Variants in HSPD1 observed in about 807,000 individuals in gnomAD.
HSPD1 encodes 60 kDa heat shock protein, mitochondrial.
In HSPD1, 3 loss-of-function variants were observed where a neutral mutation model predicts 53.0. That is an observed-to-expected ratio of 0.06 (90% CI 0.03 to 0.15). The LOEUF (loss-of-function observed/expected upper bound fraction) is 0.15. HSPD1 is among the 10% of genes least tolerant of loss of function. The pLI is 1.00. For missense variants in HSPD1, 431 were observed against 694.1 expected (o/e 0.62, Z 4.26); for synonymous variants, 200 against 228.0 (o/e 0.88, Z 1.10).
intron 1 of HSPD1, 55 bp downstream of exon 1, chr2:197,499,727 G>A (rs1276657472): frequency 6.6e-6 from 1 of 152,178 alleles, no homozygotes; most frequent in African/African-American, 2.4e-5. Context: ...AGAGGAGGAA[G>A]GCCCACTCGG....
At position 197,497,155 on chromosome 2, in the gene HSPD1, C is replaced by G; in HGVS notation, c.412G>C (p.Val138Leu). The change falls in exon 3 of 12, where the codon GTG (valine) becomes CTG (leucine). Residue 138 changes from valine to leucine, a missense_variant. Physicochemically the swap from Val to Leu is conservative, Grantham distance 32. Around this residue, in one of 2 missense-constraint regions of HSPD1, gnomAD observed 386 missense variants for 657.6 expected, o/e 0.59. Coordinates refer to ENST00000388968, the MANE Select transcript of HSPD1 (RefSeq NM_002156.5). ...ACATTCCTACCTCTCCTGATTTCCA[C>G]TGGATTAGCACCTTTGCTAATCTTC... is the stretch of plus-strand genomic sequence containing the variant. ...FEKISKGANPVEIRRGVMLAV... is the reference protein window; with the variant it reads ...FEKISKGANPLEIRRGVMLAV... The G allele has an allele frequency of 6.2e-7, 1 of 1,614,188 alleles. No individual in the cohort carries two copies. Among genetic ancestry groups the G allele is most frequent in the Non-Finnish European group, 8.5e-7 (1 of 1,179,992 alleles).
At chr2:197,493,725 G>C (rs2086121721) in intron 6 of HSPD1, among the ~76,000 whole-genome samples, 1 of 152,160 alleles carries the variant, frequency 6.6e-6, no homozygotes, top group Non-Finnish European at 1.5e-5. Context: ...AAAACTTCAG[G>C]AGGCCAAAGC....
chr2:197,486,956 C>T lies in HSPD1; in HGVS notation c.*90G>A, dbSNP rs888170776. The T allele has an allele frequency of 1.8e-6, 2 of 1,094,946 alleles. No homozygotes were observed. The highest frequency in any genetic ancestry group is 1.5e-5 in the African/African-American group (1 of 64,926). 67.8% of individuals were successfully genotyped at this position (1,094,946 alleles called of 1,614,324 possible). On this transcript the variant is annotated 3_prime_UTR_variant, in exon 12 of 12. Coordinates refer to ENST00000388968, the MANE Select transcript of HSPD1 (RefSeq NM_002156.5). ...AGCCAGCCTTTTTCTTCATTTTCTC[C>T]AACTGACTTCTCTGAAGTTATTGGT...
At position 197,488,389 on chromosome 2, in the gene HSPD1, C is replaced by T; in HGVS notation, c.1318G>A (p.Gly440Arg). 6.2e-7 allele frequency: 1 copy of T among 1,613,942 alleles called. No homozygotes were observed. The highest frequency in any genetic ancestry group is 8.5e-7 in the Non-Finnish European group (1 of 1,179,818). The change falls in exon 10 of 12, where the codon GGG becomes AGG. Residue 440 changes from glycine (G) to arginine (R), a missense_variant. By Grantham distance (125) the Gly-to-Arg change is moderately radical. Transcript: ENST00000388968. ...ATGCATCGAAGGAGGGCACAACCCC[C>T]TCCCAAAACAATGCCTTCTTCAACA... ...AAVEEGIVLG[G>R]GCALLRCIPA...
Position 197,491,184 on chromosome 2 carries a change from TTG to T in HSPD1, c.870-890_870-889del, listed in dbSNP as rs765649213. ...TTTTTTCTGGCCTCAAGTCTTTTTT[TTG>T]TGTGTTTTTTTTTTTTTTTGAGACA... On this transcript the variant is annotated intron_variant, in intron 7 of 11. Transcript: ENST00000388968. Among the ~76,000 whole-genome samples, 5 of 149,256 alleles carry T rather than the reference TTG, an allele frequency of 3.3e-5. No homozygotes were observed. In the East Asian group the frequency reaches 7.7e-4, roughly 23 times the overall value.
intron 11 of HSPD1, 57 bp downstream of exon 11, chr2:197,487,801 G>A (rs2086044812): frequency 1.9e-5 from 27 of 1,403,628 alleles, no homozygotes; most frequent in Non-Finnish European, 2.4e-5. Flanking sequence ...TGGGATGTGA[G>A]GATACATTAA....
At position 197,495,347 on chromosome 2, in the gene HSPD1, C is replaced by A. The variant is rs1375619488; in HGVS notation, c.457G>T (p.Ala153Ser). 6.2e-7 allele frequency: 1 copy of A among 1,610,046 alleles called. No individual in the cohort carries two copies. Among genetic ancestry groups the A allele is most frequent in the Non-Finnish European group, 8.5e-7 (1 of 1,176,502 alleles). ...GVMLAVDAVIAELKKQSKPVT... is the reference protein window; with the variant it reads ...GVMLAVDAVISELKKQSKPVT... ...GGTTTAGACTGCTTTTTAAGTTCAG[C>A]AATTACAGCATCAACAGCTAACATC... The change falls in exon 4 of 12, where the codon GCT becomes TCT. Residue 153 changes from alanine (A) to serine (S), a missense_variant. By Grantham distance (99) the Ala-to-Ser change is moderately conservative. Around this residue, in one of 2 missense-constraint regions of HSPD1, gnomAD observed 386 missense variants for 657.6 expected, o/e 0.59. Coordinates refer to ENST00000388968, the MANE Select transcript of HSPD1 (RefSeq NM_002156.5).
intron 8 of HSPD1, among the ~76,000 whole-genome samples, chr2:197,489,571 C>G (rs1307367312): frequency 6.6e-6 from 1 of 152,166 alleles, no homozygotes; most frequent in African/African-American, 2.4e-5. Flanking sequence ...ACACTTCTAC[C>G]TTTCAAAACT....
rs377025571 is a variant in HSPD1, at chr2:197,497,127, C to G, written c.427+13G>C. The G allele has an allele frequency of 3.7e-6, 6 of 1,613,594 alleles. No individual in the cohort carries two copies. The East Asian group carries it at 8.9e-5, about 24-fold the overall frequency. Reference sequence around the variant, plus strand: ...GAAGTTTAGAACACTGTGGTGACAACAGACATTCCTACCTCTCCTGATTTC... The same window carrying G: ...GAAGTTTAGAACACTGTGGTGACAAGAGACATTCCTACCTCTCCTGATTTC... On this transcript the variant is annotated intron_variant, in intron 3 of 11. Coordinates refer to ENST00000388968, the MANE Select transcript of HSPD1 (RefSeq NM_002156.5).
At chr2:197,488,867 A>ACAAAC (rs2086057895) in intron 9 of HSPD1, 135 bp downstream of exon 9, 1 of 1,075,808 alleles carries the variant, frequency 9.3e-7, no homozygotes, top group African/African-American at 1.6e-5. Flanking sequence ...TCAAAACAAA[A>ACAAAC]CAAACAAAAT....
chr2:197,498,295 A>T (rs1414889529), intron 2 of HSPD1, among the ~76,000 whole-genome samples: 2 of 152,218 alleles, frequency 1.3e-5, no homozygotes, highest in Non-Finnish European at 2.9e-5. Flanking sequence ...TAGCATCTAC[A>T]AGCACATACC....
chr2:197,492,911 G>A (rs183704244), intron 7 of HSPD1, among the ~76,000 whole-genome samples: 158 of 151,022 alleles, frequency 1.0e-3, no homozygotes, highest in Non-Finnish European at 6.2e-4. Flanking sequence ...TTGGGAGGCT[G>A]AGGCAGAACT....
chr2:197,493,234 A>C, intron 7 of HSPD1, 90 bp downstream of exon 7: 1 of 1,053,072 alleles, frequency 9.5e-7, no homozygotes. Context: ...TCAAATGTGG[A>C]GGTACACATG....
intron 2 of HSPD1, 93 bp from the exon 3 acceptor site, chr2:197,497,485 A>G (rs1248617110): frequency 2.4e-6 from 3 of 1,274,958 alleles, no homozygotes; most frequent in Non-Finnish European, 3.4e-6. Context: ...CAACTACTTC[A>G]AAGTCTCAAC....
At chr2:197,499,970 C>T (rs568292027), upstream of HSPD1, 13 of 161,574 alleles carry the variant, frequency 8.0e-5, no homozygotes, top group South Asian at 1.8e-3. Context: ...AATCTGCACA[C>T]CCTGCGCGCG....
intron 9 of HSPD1, 75 bp downstream of exon 9, chr2:197,488,927 C>T: frequency 7.0e-7 from 1 of 1,428,664 alleles, no homozygotes; most frequent in Non-Finnish European, 9.9e-7. Flanking sequence ...TATGGTACTA[C>T]TGGGGAATAC....
rs147135152 is a variant in HSPD1 at position 197,488,347 on chromosome 2, A to G, written c.1360T>C (p.Leu454=). The part of the protein sequence containing the change: ...LLRCIPALDS[L]TPANEDQKIG... ...TTTTGATCTTCATTAGCTGGAGTCAATGAGTCCAAGGCTGGAATGCATCGA... is the reference window on the plus strand; with the variant it reads ...TTTTGATCTTCATTAGCTGGAGTCAGTGAGTCCAAGGCTGGAATGCATCGA... The change falls in exon 10 of 12, where the codon TTG becomes CTG. Residue 454 remains leucine (L), a synonymous_variant. Transcript: ENST00000388968. 2,238 of 1,613,962 alleles carry G rather than the reference A, an allele frequency of 1.4e-3. 31 individuals are homozygous for G. The African/African-American group carries it at 0.024, about 17-fold the overall frequency.
chr2:197,488,269 G>GA lies in HSPD1; in HGVS notation c.1390+47dup, dbSNP rs754853833. On this transcript the variant is annotated intron_variant, in intron 10 of 11. Coordinates refer to ENST00000388968, the MANE Select transcript of HSPD1 (RefSeq NM_002156.5). ...GGGGACTGCAACATTATTATTCTAAGAAAAACTAAAATCAGGCCACAAACT... is the reference window on the plus strand; with the variant it reads ...GGGGACTGCAACATTATTATTCTAAGAAAAAACTAAAATCAGGCCACAAACT... The GA allele has an allele frequency of 1.2e-5, 19 of 1,560,624 alleles. No homozygotes were observed. In the East Asian group the frequency reaches 3.9e-4, roughly 32 times the overall value.
At chr2:197,499,659 G>A (rs1350536656) in intron 1 of HSPD1, 123 bp downstream of exon 1, 2 of 152,128 alleles carry the variant, frequency 1.3e-5, no homozygotes, top group Non-Finnish European at 1.5e-5. Context: ...CTGGGCCTGC[G>A]GTGCGGCGCG....
Sources: gnomAD v4.1 joint callset for allele counts (sites outside exome capture counted in the v4.1 genomes callset) on GRCh38, gnomAD v4.1.1 for gene constraint, gnomAD v4.1.1 regional missense constraint, MANE v1.5 for transcripts, NCBI Gene and HGNC (gene_info 2026-07-23, HGNC 2026-07-21) for gene names.